The following LMO7 variants were observed in gnomAD, a reference collection of about 807,000 sequenced individuals.
The protein encoded by LMO7 is LIM domain 7, also known as LIM domain only protein 7.
LMO7 carries 120 observed loss-of-function variants against 206.5 expected under a neutral mutation model. The observed-to-expected ratio is 0.58, with a 90% CI of 0.50 to 0.68. The LOEUF (loss-of-function observed/expected upper bound fraction) is 0.68, where lower values mean the gene tolerates loss of function less well. Among genes scored for constraint, LMO7 ranks in the 30% least tolerant of loss-of-function variants. LMO7 has a pLI of 0.00. For synonymous variants in LMO7, 706 were observed against 681.5 expected (o/e 1.04, Z -0.56); for missense variants, 1,959 against 1,957.9 (o/e 1.00, Z -0.01).
intron 25 of LMO7, among the ~76,000 whole-genome samples, chr13:75,844,030 A>G (rs2059767590): frequency 1.3e-5 from 2 of 152,184 alleles, no homozygotes; most frequent in Non-Finnish European, 2.9e-5. Flanking sequence ...TCTCCTTTTA[A>G]AAGTTATGGA....
At chr13:75,768,915 G>A (rs55958609) in intron 4 of LMO7, among the ~76,000 whole-genome samples, 44,603 of 151,708 alleles carry the variant, frequency 0.29, 6,811 homozygotes, top group East Asian at 0.42. Context: ...CTAACAACAT[G>A]AAAAATCTTG....
chr13:75,632,862 G>GTTTTTTTTTTATTTTTTTTTTTTTTT (rs2035138167), upstream of LMO7, among the ~76,000 whole-genome samples: 1 of 102,138 alleles, frequency 9.8e-6, no homozygotes, highest in Non-Finnish European at 1.9e-5. Context: ...TTACTTAAAA[G>GTTTTTTTTTTATTTTTTTTTTTTTTT]TTTTTTTTTT....
At chr13:75,622,847 C>T (rs1365591160) in intron 1 of LMO7, among the ~76,000 whole-genome samples, 2 of 152,040 alleles carry the variant, frequency 1.3e-5, no homozygotes, top group South Asian at 2.1e-4. Context: ...GTTTAGTATT[C>T]GATAAACTTC....
At chr13:75,836,672 A>G (rs2059155302) in intron 19 of LMO7, among the ~76,000 whole-genome samples, 2 of 152,212 alleles carry the variant, frequency 1.3e-5, no homozygotes, top group African/African-American at 4.8e-5. Context: ...AAGCTTTGGC[A>G]GCATGTTCCG....
At chr13:75,649,887 G>A (rs999036022) in intron 1 of LMO7, among the ~76,000 whole-genome samples, 3 of 152,292 alleles carry the variant, frequency 2.0e-5, no homozygotes, top group African/African-American at 7.2e-5. Context: ...GATTGTTTGG[G>A]GAGGTCACTT....
At chr13:75,630,007 G>A (rs905866309) in intron 2 of LMO7, among the ~76,000 whole-genome samples, 1 of 152,130 alleles carries the variant, frequency 6.6e-6, no homozygotes, top group Non-Finnish European at 1.5e-5. Flanking sequence ...CTGTTCATAC[G>A]AAAACCTACA....
intron 1 of LMO7, among the ~76,000 whole-genome samples, chr13:75,685,210 T>G (rs1407567220): frequency 6.6e-6 from 1 of 152,224 alleles, no homozygotes; most frequent in African/African-American, 2.4e-5. Context: ...TTTGATTTCA[T>G]TTTGCATAGC....
In LMO7 at chr13:75,852,989, A is replaced by G. The variant is rs2060615937; in HGVS notation, c.4365-103A>G. On this transcript the variant is annotated intron_variant, in intron 27 of 30. Transcript: ENST00000377534. ...CTAGAATACTTAGATTAATATCCAC[A>G]TATAAAATATAAAAATGGATTTTTA... is the stretch of plus-strand genomic sequence containing the variant. 21 of 901,664 alleles carry G rather than the reference A, an allele frequency of 2.3e-5. No homozygotes were observed. The South Asian group carries it at 3.3e-4, about 14-fold the overall frequency. 55.9% of individuals were successfully genotyped at this position (901,664 alleles called of 1,614,324 possible). A position where few individuals can be genotyped will look rare whatever the true frequency, so the allele number is the denominator to read the frequency against.
intron 2 of LMO7, among the ~76,000 whole-genome samples, chr13:75,715,980 T>C (rs9593121): frequency 6.6e-6 from 1 of 152,210 alleles, no homozygotes. Context: ...GAAATATGAT[T>C]AGGATATTTT....
At chr13:75,662,907 G>A (rs1205330804) in intron 1 of LMO7, among the ~76,000 whole-genome samples, 1 of 152,136 alleles carries the variant, frequency 6.6e-6, no homozygotes, top group Non-Finnish European at 1.5e-5. Flanking sequence ...ACTTTCCTGT[G>A]TGTTTTCATC....
Position 75,822,361 on chromosome 13 carries a change from A to G in LMO7, c.2640+752A>G, listed in dbSNP as rs560726246. On this transcript the variant is annotated intron_variant, in intron 14 of 30. Transcript: ENST00000377534. Reference sequence around the variant, plus strand: ...AACTCCTGATCATTATATAAAGGAAAATGTAGACATATTTGACATTATAAG... The same window carrying G: ...AACTCCTGATCATTATATAAAGGAAGATGTAGACATATTTGACATTATAAG... 2.6e-5 allele frequency among the ~76,000 whole-genome samples: 4 copies of G among 152,264 alleles called. No individual in the cohort carries two copies. The South Asian group carries it at 6.2e-4, about 24-fold the overall frequency.
Position 75,853,119 on chromosome 13 carries a change from C to T in LMO7, c.4392C>T (p.Ser1464=), listed in dbSNP as rs779068382. 2.4e-5 allele frequency: 39 copies of T among 1,610,580 alleles called. No homozygotes were observed. The Admixed American group carries it at 6.5e-4, about 27-fold the overall frequency. ...GCGAATCTTTAGATAACCTGGACTC[C>T]CCCCGATCCAATTCTTGGAGACAGC... The part of the protein sequence containing the change: ...RRGESLDNLD[S]PRSNSWRQPP... Residue 1464 remains serine (S), a synonymous_variant, in exon 28 of 31, where the codon TCC becomes TCT. Coordinates refer to ENST00000377534, the MANE Select transcript of LMO7 (RefSeq NM_001306080.2).
intron 4 of LMO7, among the ~76,000 whole-genome samples, chr13:75,764,490 G>T (rs976156237): frequency 6.6e-6 from 1 of 152,106 alleles, no homozygotes; most frequent in African/African-American, 2.4e-5. Flanking sequence ...CTTTGTGGTG[G>T]CATCTGGTCA....
intron 1 of LMO7, among the ~76,000 whole-genome samples, chr13:75,642,557 T>G (rs2036640323): frequency 6.6e-6 from 1 of 151,776 alleles, no homozygotes; most frequent in African/African-American, 2.4e-5. Flanking sequence ...GAGCCGTAAC[T>G]GTGCCACTGC....
At chr13:75,654,365 G>A (rs1566278108) in intron 1 of LMO7, among the ~76,000 whole-genome samples, 1 of 152,232 alleles carries the variant, frequency 6.6e-6, no homozygotes, top group Non-Finnish European at 1.5e-5. Flanking sequence ...GAGAGACAGT[G>A]AGAGAGAAAG....
chr13:75,813,190 A>G (rs2056613908), intron 11 of LMO7, among the ~76,000 whole-genome samples: 1 of 152,180 alleles, frequency 6.6e-6, no homozygotes, highest in Admixed American at 6.5e-5. Flanking sequence ...ATTCTTTGTG[A>G]TCTGGCTGAG....
chr13:75,776,461 T>G (rs1220975551), intron 4 of LMO7, among the ~76,000 whole-genome samples: 1 of 151,958 alleles, frequency 6.6e-6, no homozygotes, highest in South Asian at 2.1e-4. Flanking sequence ...AGAAGAAAGT[T>G]GGAATTATAT....
intron 2 of LMO7, among the ~76,000 whole-genome samples, chr13:75,715,434 A>G (rs1460890618): frequency 6.6e-6 from 1 of 152,162 alleles, no homozygotes; most frequent in Non-Finnish European, 1.5e-5. Context: ...GCTAATTCTA[A>G]TATTGTTTTC....
At chr13:75,711,093 T>G (rs1470854934) in intron 1 of LMO7, among the ~76,000 whole-genome samples, 5 of 152,146 alleles carry the variant, frequency 3.3e-5, no homozygotes, top group East Asian at 1.9e-4. Context: ...TTATATGCTG[T>G]ATTACGTTTA....
Sources: gnomAD v4.1 joint callset for allele counts (sites outside exome capture counted in the v4.1 genomes callset) on GRCh38, gnomAD v4.1.1 for gene constraint, MANE v1.5 for transcripts, NCBI Gene and HGNC (gene_info 2026-07-23, HGNC 2026-07-21) for gene names.